DDX23: variants seen among roughly 807,000 people sequenced by gnomAD.
DDX23 encodes probable ATP-dependent RNA helicase DDX23.
In DDX23, 33 loss-of-function variants were observed where a neutral mutation model predicts 102.7. The observed-to-expected ratio is 0.32, with a 90% confidence interval of 0.24 to 0.43. The LOEUF (loss-of-function observed/expected upper bound fraction) is 0.43, where lower values mean the gene tolerates loss of function less well. Ranked by LOEUF, DDX23 falls within the 20% of genes least tolerant of loss-of-function variation. The pLI, the probability that DDX23 is intolerant of heterozygous loss-of-function variation, is 1.00. For missense variants in DDX23, 549 were observed against 1,086.6 expected (o/e 0.51, Z 6.96); for synonymous variants, 352 against 376.0 (o/e 0.94, Z 0.74).
Position 48,829,945 on chromosome 12 carries a change from G to A in DDX23, c.*524C>T, listed in dbSNP as rs1209022427. On this transcript the variant is annotated 3_prime_UTR_variant, in exon 17 of 17. Coordinates refer to ENST00000308025, the MANE Select transcript of DDX23 (RefSeq NM_004818.3). ...ACAGCACCCCTTGGTGCGGGGCTGT[G>A]CACAGGTCTAAAGACTCTCAACTTC... is the stretch of plus-strand genomic sequence containing the variant. 2.9e-6 allele frequency: 1 copy of A among 349,602 alleles called. No homozygotes were observed. The highest frequency in any genetic ancestry group is 5.6e-6 in the Non-Finnish European group (1 of 177,782). The allele number at this position is 349,602 out of a possible 1,614,324, so 21.7% of individuals were successfully genotyped here. A position where few individuals can be genotyped will look rare whatever the true frequency, so the allele number is the denominator to read the frequency against.
At position 48,836,859 on chromosome 12, in the gene DDX23, G is replaced by A. The variant is rs368463471; in HGVS notation, c.1010+35C>T. 1.2e-5 allele frequency: 20 copies of A among 1,613,776 alleles called. No individual in the cohort carries two copies. The Middle Eastern group carries it at 8.2e-4, about 67-fold the overall frequency. ...CCAACTCCTTTCTGTAGAGCCTCTG[G>A]GCTCTGTCCAGCCACCCTAGCCTTG... On this transcript the variant is annotated intron_variant, in intron 9 of 16. Coordinates refer to ENST00000308025, the MANE Select transcript of DDX23 (RefSeq NM_004818.3). This position sits in a 1 kb window ranked among gnomAD's most constrained non-coding sequence, Gnocchi z 6.1.
At chr12:48,844,396 A>G (rs973212561) in intron 2 of DDX23, among the ~76,000 whole-genome samples, 2 of 152,162 alleles carry the variant, frequency 1.3e-5, no homozygotes, top group Admixed American at 1.3e-4. Context: ...GTCATGCCTC[A>G]GCCTCCCGAG....
At chr12:48,837,458 A>C in intron 7 of DDX23, 65 bp from the exon 8 acceptor site, 3 of 1,612,732 alleles carry the variant, frequency 1.9e-6, no homozygotes, top group Non-Finnish European at 2.5e-6. Context: ...CAGAGATCAC[A>C]ATGGCCAAAT....
chr12:48,834,293 G>A (rs779658876), intron 12 of DDX23, 27 bp downstream of exon 12: 36 of 1,589,412 alleles, frequency 2.3e-5, no homozygotes, highest in Middle Eastern at 1.7e-4. Flanking sequence ...CCAGACAGCA[G>A]GCTGGCTGCT....
intron 5 of DDX23, 54 bp downstream of exon 5, chr12:48,839,790 T>C: frequency 6.4e-7 from 1 of 1,568,714 alleles, no homozygotes; most frequent in East Asian, 2.2e-5. Flanking sequence ...ACCCAGTCTG[T>C]GGTATTGTGT....
At chr12:48,851,341 C>T (rs532867643) in intron 1 of DDX23, among the ~76,000 whole-genome samples, 1 of 152,214 alleles carries the variant, frequency 6.6e-6, no homozygotes, top group South Asian at 2.1e-4. Flanking sequence ...GGCGTGGCGG[C>T]GTGCGCCTGT....
chr12:48,837,864 A>G (rs756225647), intron 6 of DDX23, 78 bp downstream of exon 6: 26 of 1,590,214 alleles, frequency 1.6e-5, no homozygotes, highest in South Asian at 2.3e-5. Context: ...ACAGGTTTCT[A>G]TCTCTCCTAA....
At position 48,830,160 on chromosome 12, in the gene DDX23, A is replaced by G. The variant is rs1221345890; in HGVS notation, c.*309T>C. On this transcript the variant is annotated 3_prime_UTR_variant, in exon 17 of 17. Transcript: ENST00000308025. This position sits in a 1 kb window ranked among gnomAD's most constrained non-coding sequence, Gnocchi z 4.9. ...CAGGTTTCTGTTCAGTCTGGGGAGCAATGCCAACTGGCTGCCCCCATAGCC... is the reference window on the plus strand; with the variant it reads ...CAGGTTTCTGTTCAGTCTGGGGAGCGATGCCAACTGGCTGCCCCCATAGCC... The G allele has an allele frequency of 5.6e-6, 3 of 533,918 alleles. No individual in the cohort carries two copies. The highest frequency in any genetic ancestry group is 1.1e-5 in the Non-Finnish European group (3 of 277,562). The allele number at this position is 533,918 out of a possible 1,614,324, so 33.1% of individuals were successfully genotyped here.
At chr12:48,851,187 T>C (rs1377886783) in intron 1 of DDX23, among the ~76,000 whole-genome samples, 1 of 152,208 alleles carries the variant, frequency 6.6e-6, no homozygotes, top group Non-Finnish European at 1.5e-5. Flanking sequence ...AACAGGGTTA[T>C]GAGGTCGGAC....
chr12:48,832,782 G>A lies in DDX23; in HGVS notation c.1804-209C>T. 1 of 630,030 alleles carries A rather than the reference G, an allele frequency of 1.6e-6. No individual in the cohort carries two copies. Among genetic ancestry groups the A allele is most frequent in the Non-Finnish European group, 2.7e-6 (1 of 376,970 alleles). The allele number at this position is 630,030 out of a possible 1,614,324, so 39.0% of individuals were successfully genotyped here. ...GGCACTTTCCATCTTATGATGACAG[G>A]AAGGATTGAGAGCATTTGCTAGCAC... On this transcript the variant is annotated intron_variant, in intron 13 of 16. Transcript: ENST00000308025. This position sits in a 1 kb window ranked among gnomAD's most constrained non-coding sequence, Gnocchi z 4.4.
intron 1 of DDX23, 24 bp from the exon 2 acceptor site, chr12:48,845,806 T>C (rs1938658033): frequency 1.2e-6 from 2 of 1,610,662 alleles, no homozygotes; most frequent in Middle Eastern, 1.7e-4. Context: ...GAAGAGTACT[T>C]ACAATGTACT....
intron 3 of DDX23, among the ~76,000 whole-genome samples, chr12:48,841,618 G>A (rs1197336290): frequency 1.3e-5 from 2 of 152,224 alleles, no homozygotes; most frequent in Non-Finnish European, 2.9e-5. Flanking sequence ...GCGCCGCCAC[G>A]CCTGACTGGT....
At chr12:48,850,654 G>C (rs969214094) in intron 1 of DDX23, among the ~76,000 whole-genome samples, 15 of 152,156 alleles carry the variant, frequency 9.9e-5, no homozygotes, top group Non-Finnish European at 2.9e-5. Flanking sequence ...ATGAACCAGA[G>C]AAAAAGACTG....
chr12:48,833,259 C>A lies in DDX23; in HGVS notation c.1803+18G>T. 1.9e-6 allele frequency: 3 copies of A among 1,613,732 alleles called. No homozygotes were observed. The highest frequency in any genetic ancestry group is 1.7e-5 in the Admixed American group (1 of 60,012). ...CTTGGCCTGTCCAACTTTTCCCAGC[C>A]CAGGGAAGCAGCCTTACTTGGCGGT... On this transcript the variant is annotated intron_variant, in intron 13 of 16. Coordinates refer to ENST00000308025, the MANE Select transcript of DDX23 (RefSeq NM_004818.3).
At chr12:48,839,973 G>T (rs762834764) in intron 4 of DDX23, 40 bp downstream of exon 4, 3 of 1,610,378 alleles carry the variant, frequency 1.9e-6, no homozygotes, top group South Asian at 1.1e-5. Context: ...ACAAAGCAAC[G>T]CACGAGTTGA....
chr12:48,851,527 T>TA (rs1938759495), intron 1 of DDX23, among the ~76,000 whole-genome samples: 1 of 151,926 alleles, frequency 6.6e-6, no homozygotes, highest in South Asian at 2.1e-4. Flanking sequence ...ATGAGACACA[T>TA]ACCAAGAAGA....
chr12:48,837,055 G>T lies in DDX23; in HGVS notation c.867-18C>A. ...CTTTGTACCTGGGATTGAGATAGAGGAAAAGAAAAAAGAAGGAGCTGTTAA... is the reference window on the plus strand; with the variant it reads ...CTTTGTACCTGGGATTGAGATAGAGTAAAAGAAAAAAGAAGGAGCTGTTAA... On this transcript the variant is annotated intron_variant, in intron 8 of 16. Transcript: ENST00000308025. 6.2e-7 allele frequency: 1 copy of T among 1,610,886 alleles called. No homozygotes were observed.
At chr12:48,835,184 G>T (rs1353375309) in intron 11 of DDX23, 1 of 272,898 alleles carries the variant, frequency 3.7e-6, no homozygotes, top group East Asian at 1.4e-4. Flanking sequence ...AACGGTTGCT[G>T]TAAGCCAAGA....
intron 5 of DDX23, among the ~76,000 whole-genome samples, chr12:48,838,550 TAA>T (rs753869273): frequency 1.3e-4 from 17 of 135,738 alleles, no homozygotes; most frequent in Admixed American, 1.5e-4. Context: ...ACCTTACCTT[TAA>T]AAAAAAAAAA....
Sources: allele counts gnomAD v4.1 joint callset (sites outside exome capture counted in the v4.1 genomes callset), GRCh38; gene constraint gnomAD v4.1.1; non-coding constraint Gnocchi (gnomAD v3.1); transcripts MANE v1.5; gene names NCBI Gene and HGNC (gene_info 2026-07-23, HGNC 2026-07-21).